The following MAST3 variants were observed in gnomAD, a reference collection of about 807,000 sequenced individuals.
MAST3 encodes the protein microtubule-associated serine/threonine-protein kinase 3.
In MAST3, 43 loss-of-function variants were observed where a neutral mutation model predicts 127.0. The ratio of observed to expected loss-of-function variants is 0.34; its 90% CI spans 0.27 to 0.44. MAST3 has a LOEUF of 0.44. Ranked by LOEUF, MAST3 falls within the 20% of genes least tolerant of loss-of-function variation. MAST3 has a pLI of 1.00. For missense variants in MAST3, 1,390 were observed against 1,919.1 expected (o/e 0.72, Z 5.15); for synonymous variants, 785 against 809.2 (o/e 0.97, Z 0.51).
At chr19:18,101,591 T>C (rs1056393495) in intron 1 of MAST3, among the ~76,000 whole-genome samples, 1 of 152,176 alleles carries the variant, frequency 6.6e-6, no homozygotes, top group Non-Finnish European at 1.5e-5. Flanking sequence ...AGGAAGCCCC[T>C]TAGCTCTCCT....
chr19:18,127,459 G>A (rs1304507175), intron 11 of MAST3, among the ~76,000 whole-genome samples: 3 of 152,114 alleles, frequency 2.0e-5, no homozygotes, highest in South Asian at 4.2e-4. Flanking sequence ...CGAGGCAGGC[G>A]GATTACCTGA....
At chr19:18,101,279 C>T (rs2037585748) in intron 1 of MAST3, among the ~76,000 whole-genome samples, 1 of 152,170 alleles carries the variant, frequency 6.6e-6, no homozygotes, top group African/African-American at 2.4e-5. Context: ...GGGGTGGCTC[C>T]TCTAGGTTCA....
At chr19:18,109,934 G>C (rs1221210305) in intron 2 of MAST3, 7 of 984,970 alleles carry the variant, frequency 7.1e-6, no homozygotes, top group African/African-American at 1.7e-5. Flanking sequence ...GGGGAGAGGC[G>C]GGGTCAGGCC....
At position 18,149,132 on chromosome 19, in the gene MAST3, C is replaced by A; in HGVS notation, c.3509-59C>A. 7.1e-7 allele frequency: 1 copy of A among 1,415,896 alleles called. No individual in the cohort carries two copies. The highest frequency in any genetic ancestry group is 9.2e-7 in the Non-Finnish European group (1 of 1,085,488). The allele number at this position is 1,415,896 out of a possible 1,614,324, so 87.7% of individuals were successfully genotyped here. A position where few individuals can be genotyped will look rare whatever the true frequency, so the allele number is the denominator to read the frequency against. ...AGCAGTTTTTGTCAGTCCCACAGCT[C>A]CACTTCTGGGCTGGGGACATTGAGG... On this transcript the variant is annotated intron_variant, in intron 27 of 27. Coordinates refer to ENST00000687212, the MANE Select transcript of MAST3 (RefSeq NM_001393504.1). The surrounding 1 kb of genome is among the most constrained non-coding windows in gnomAD (Gnocchi z 5.9).
Position 18,145,175 on chromosome 19 carries a change from G to T in MAST3, c.2985G>T (p.Ala995=), listed in dbSNP as rs762614162. 1.2e-6 allele frequency: 2 copies of T among 1,613,692 alleles called. No homozygotes were observed. The highest frequency in any genetic ancestry group is 8.5e-7 in the Non-Finnish European group (1 of 1,179,858). Residue 995 remains alanine, a synonymous_variant, in exon 24 of 28, where the codon GCG becomes GCT. Coordinates refer to ENST00000687212, the MANE Select transcript of MAST3 (RefSeq NM_001393504.1). The surrounding 1 kb of genome is among the most constrained non-coding windows in gnomAD (Gnocchi z 5.9). ...SGKKYGFSLR[A]IRVYMGDSDV... ...AGAAGTACGGCTTCAGCCTGCGGGC[G>T]ATCCGCGTCTACATGGGTGATAGCG... is the stretch of plus-strand genomic sequence containing the variant.
chr19:18,115,424 C>G (rs949313004), intron 3 of MAST3, among the ~76,000 whole-genome samples: 3 of 151,932 alleles, frequency 2.0e-5, no homozygotes, highest in Non-Finnish European at 2.9e-5. Context: ...CGAGTGTGTG[C>G]AAAGGTGTGT....
In MAST3 at chr19:18,144,785, G is replaced by T; in HGVS notation, c.2812+92G>T. On this transcript the variant is annotated intron_variant, in intron 23 of 27. Coordinates refer to ENST00000687212, the MANE Select transcript of MAST3 (RefSeq NM_001393504.1). This position sits in a 1 kb window ranked among gnomAD's most constrained non-coding sequence, Gnocchi z 4.0. ...TTCCTGAGTTGGGGAGGCTGGGGAT[G>T]AGCCCCAGAAGAGGGGAGGAGGAGT... 7.3e-7 allele frequency: 1 copy of T among 1,369,390 alleles called. No homozygotes were observed. The allele number at this position is 1,369,390 out of a possible 1,614,324, so 84.8% of individuals were successfully genotyped here.
Position 18,097,922 on chromosome 19 carries a change from G to A in MAST3, c.39+91G>A, listed in dbSNP as rs984292901. The A allele has an allele frequency of 2.3e-5, 24 of 1,043,890 alleles. No individual in the cohort carries two copies. The African/African-American group carries it at 2.8e-4, about 12-fold the overall frequency. 64.7% of individuals were successfully genotyped at this position (1,043,890 alleles called of 1,614,324 possible). ...GCCGGGAGGGGCGGGGCCTTCACGG[G>A]CTGTAGGGAAACTGAGGCAGAGGGT... On this transcript the variant is annotated intron_variant, in intron 1 of 27. Transcript: ENST00000687212.
intron 3 of MAST3, among the ~76,000 whole-genome samples, chr19:18,118,480 G>A (rs2039574036): frequency 6.6e-6 from 1 of 152,168 alleles, no homozygotes. Context: ...CGTCGCAGCT[G>A]GGGTGGTGAC....
intron 11 of MAST3, among the ~76,000 whole-genome samples, chr19:18,127,486 C>A (rs1466913177): frequency 2.0e-5 from 3 of 152,114 alleles, no homozygotes; most frequent in African/African-American, 7.2e-5. Flanking sequence ...GAGTTCAAGA[C>A]CAGCCTGGCC....
intron 11 of MAST3, 65 bp downstream of exon 11, chr19:18,124,839 C>G: frequency 6.6e-7 from 1 of 1,521,696 alleles, no homozygotes. Context: ...GGCACGGTGG[C>G]TCACACCTTT....
Position 18,147,050 on chromosome 19 carries a change from CA to C in MAST3, c.3326+7del. The C allele has an allele frequency of 1.9e-6, 3 of 1,544,256 alleles. No individual in the cohort carries two copies. Among genetic ancestry groups the C allele is most frequent in the Non-Finnish European group, 2.6e-6 (3 of 1,144,550 alleles). Reference sequence around the variant, plus strand: ...GCAGTGACCACCAGGGAGCGGTACACAGGGGGCGGGGCCACGGGGACTGGGG... The same window carrying C: ...GCAGTGACCACCAGGGAGCGGTACACGGGGGCGGGGCCACGGGGACTGGGG... On this transcript the variant is annotated splice_region_variant and intron_variant, in intron 26 of 27. Transcript: ENST00000687212.
intron 17 of MAST3, among the ~76,000 whole-genome samples, chr19:18,135,471 T>TA (rs950750428): frequency 6.7e-6 from 1 of 150,026 alleles, no homozygotes; most frequent in Non-Finnish European, 1.5e-5. Context: ...TCTCAAAAAA[T>TA]AAAAAAAAGA....
chr19:18,138,519 A>G (rs986100321), intron 19 of MAST3, among the ~76,000 whole-genome samples: 2 of 151,754 alleles, frequency 1.3e-5, no homozygotes, highest in African/African-American at 4.8e-5. Flanking sequence ...ATTTTTTGAG[A>G]TGGAGTCTTG....
At chr19:18,143,659 AC>A in intron 21 of MAST3, 103 bp from the exon 22 acceptor site, 1 of 1,441,314 alleles carries the variant, frequency 6.9e-7, no homozygotes. Context: ...TATGCAAATT[AC>A]CCTTGACTGC....
chr19:18,124,110 C>T lies in MAST3; in HGVS notation c.805C>T (p.Leu269=). The T allele has an allele frequency of 6.2e-7, 1 of 1,611,900 alleles. No homozygotes were observed. The highest frequency in any genetic ancestry group is 1.3e-5 in the African/African-American group (1 of 74,978). Residue 269 remains leucine (L), a synonymous_variant, in exon 9 of 28, where the codon CTA becomes TTA. Coordinates refer to ENST00000687212, the MANE Select transcript of MAST3 (RefSeq NM_001393504.1). The part of the protein sequence containing the change: ...GENLVTSRYF[L]EMQEKLERLL... ...GAACCTCGTCACCTCCCGCTACTTC[C>T]TAGAGATGCAGGAGAAGCTGGAGCG...
chr19:18,109,967 G>C, intron 2 of MAST3: 1 of 985,346 alleles, frequency 1.0e-6, no homozygotes, highest in Non-Finnish European at 1.2e-6. Flanking sequence ...CGCGGACCGC[G>C]GAGCCAGTGA....
Position 18,131,937 on chromosome 19 carries a change from C to T in MAST3, c.1461C>T (p.Asn487=). The T allele has an allele frequency of 6.2e-7, 1 of 1,609,136 alleles. No individual in the cohort carries two copies. Among genetic ancestry groups the T allele is most frequent in the East Asian group, 2.2e-5 (1 of 44,672 alleles). The stretch of plus-strand genomic sequence containing the variant: ...GCGACTGCGCCACGCTCCTGAAGAA[C>T]ATGGGCCCGCTGCCCGTGGACATGG... ...EGGDCATLLK[N]MGPLPVDMAR... The change falls in exon 15 of 28, where the codon AAC becomes AAT. Residue 487 remains asparagine, a synonymous_variant. Transcript: ENST00000687212.
intron 2 of MAST3, among the ~76,000 whole-genome samples, chr19:18,108,320 T>C (rs541426235): frequency 6.7e-6 from 1 of 150,290 alleles, no homozygotes; most frequent in Non-Finnish European, 1.5e-5. Flanking sequence ...ATCATCTCTC[T>C]CGGGATCACA....
Sources: gnomAD v4.1 joint callset for allele counts (sites outside exome capture counted in the v4.1 genomes callset) on GRCh38, gnomAD v4.1.1 for gene constraint, Gnocchi (gnomAD v3.1) non-coding constraint, MANE v1.5 for transcripts, NCBI Gene and HGNC (gene_info 2026-07-23, HGNC 2026-07-21) for gene names.